The following OTUD7A variants were observed in gnomAD, a reference collection of about 807,000 sequenced individuals.
OTUD7A encodes OTU deubiquitinase 7A.
In OTUD7A, 12 loss-of-function variants were observed where a neutral mutation model predicts 65.7. That is an observed-to-expected ratio of 0.18 (90% CI 0.12 to 0.30). OTUD7A has a LOEUF of 0.30. Among genes scored for constraint, OTUD7A ranks in the 10% least tolerant of loss-of-function variants. The probability of loss-of-function intolerance (pLI) is 1.00; values close to 1 mark genes in which losing one functional copy is unlikely to be tolerated. For synonymous variants in OTUD7A, 641 were observed against 586.3 expected (o/e 1.09, Z -1.35); for missense variants, 1,148 against 1,304.8 (o/e 0.88, Z 1.85).
At chr15:31,499,370 C>T (rs998980362) in intron 10 of OTUD7A, among the ~76,000 whole-genome samples, 4 of 152,168 alleles carry the variant, frequency 2.6e-5, no homozygotes, top group African/African-American at 9.7e-5. Context: ...CGGTGGCATC[C>T]TGGGGCTCGA....
At chr15:31,554,863 A>C (rs1032711289) in intron 5 of OTUD7A, among the ~76,000 whole-genome samples, 3 of 152,134 alleles carry the variant, frequency 2.0e-5, no homozygotes, top group Non-Finnish European at 2.9e-5. Context: ...TAAAGAACGA[A>C]AGGTGTTTCC....
chr15:31,861,238 C>T (rs547511456), intron 1 of OTUD7A, among the ~76,000 whole-genome samples: 5 of 152,146 alleles, frequency 3.3e-5, no homozygotes, highest in Non-Finnish European at 7.4e-5. Context: ...GAGTGGGGAC[C>T]CAAGCCAGAA....
chr15:31,532,474 G>A (rs1161588378), intron 5 of OTUD7A, among the ~76,000 whole-genome samples: 4 of 151,790 alleles, frequency 2.6e-5, no homozygotes. Context: ...AAGAATCAGT[G>A]TAATGTAAAG....
At chr15:31,769,429 A>G (rs1214542806) in intron 1 of OTUD7A, among the ~76,000 whole-genome samples, 1 of 152,244 alleles carries the variant, frequency 6.6e-6, no homozygotes, top group Non-Finnish European at 1.5e-5. Flanking sequence ...TTAAACATAT[A>G]CTTACGCATG....
chr15:31,503,718 T>C lies in OTUD7A; in HGVS notation c.994A>G (p.Thr332Ala). The C allele has an allele frequency of 1.2e-6, 2 of 1,614,194 alleles. No homozygotes were observed. Among genetic ancestry groups the C allele is most frequent in the Non-Finnish European group, 1.7e-6 (2 of 1,180,026 alleles). Reference sequence around the variant, plus strand: ...TCTCCACCTGAGTCTCTTAACATTGTATCTGCCACAACAACGATGGGCCTT... The same window carrying C: ...TCTCCACCTGAGTCTCTTAACATTGCATCTGCCACAACAACGATGGGCCTT... ...LRRPIVVVAD[T>A]MLRDSGGEAF... is the part of the protein sequence containing the mutation. The change falls in exon 9 of 13, where the codon ACA (threonine) becomes GCA (alanine). Residue 332 changes from threonine to alanine, a missense_variant. Physicochemically the swap from Thr to Ala is moderately conservative, Grantham distance 58. This residue lies in a region of OTUD7A where 58 missense variants were observed against 131.4 expected (regional missense o/e 0.44). Coordinates refer to ENST00000307050, the MANE Select transcript of OTUD7A (RefSeq NM_001382637.1).
At chr15:31,772,224 C>A (rs1419183136) in intron 1 of OTUD7A, among the ~76,000 whole-genome samples, 4 of 147,722 alleles carry the variant, frequency 2.7e-5, no homozygotes, top group African/African-American at 1.0e-4. Flanking sequence ...TGCACTCCAG[C>A]CTGGGCGACA....
chr15:31,527,538 G>T (rs1217297636), intron 6 of OTUD7A, among the ~76,000 whole-genome samples: 2 of 152,234 alleles, frequency 1.3e-5, no homozygotes, highest in African/African-American at 2.4e-5. Flanking sequence ...AACAATAGTG[G>T]GTGAAAATCA....
chr15:31,804,960 T>G (rs925445283), intron 1 of OTUD7A, among the ~76,000 whole-genome samples: 4 of 152,182 alleles, frequency 2.6e-5, no homozygotes, highest in African/African-American at 9.7e-5. Flanking sequence ...ACATCATAAT[T>G]GTCCCAGGCA....
At chr15:31,867,119 G>C (rs1304351539) in intron 1 of OTUD7A, among the ~76,000 whole-genome samples, 1 of 152,134 alleles carries the variant, frequency 6.6e-6, no homozygotes, top group Non-Finnish European at 1.5e-5. Context: ...TAGCCCTGGA[G>C]CACAAGCTGG....
rs62002678 is a variant in OTUD7A at position 31,711,121 on chromosome 15, G to A, written c.-99-54044C>T. Among the ~76,000 whole-genome samples, 19 of 146,854 alleles carry A rather than the reference G, an allele frequency of 1.3e-4. No individual in the cohort carries two copies. In the East Asian group the frequency reaches 2.2e-3, roughly 17 times the overall value. On this transcript the variant is annotated intron_variant, in intron 1 of 12. Coordinates refer to ENST00000307050, the MANE Select transcript of OTUD7A (RefSeq NM_001382637.1). ...GGTGAATAGCAAATAGAGTTGAAGTGTTCAACACCTTTGTGCTCATTTAAT... is the reference window on the plus strand; with the variant it reads ...GGTGAATAGCAAATAGAGTTGAAGTATTCAACACCTTTGTGCTCATTTAAT...
chr15:31,768,302 G>A (rs779669816), intron 1 of OTUD7A: 14 of 660,658 alleles, frequency 2.1e-5, no homozygotes, highest in Non-Finnish European at 3.0e-5. Flanking sequence ...TGGCTCTGCC[G>A]CCAACTTGTA....
chr15:31,558,626 T>C (rs1157445992), intron 5 of OTUD7A: 2 of 321,154 alleles, frequency 6.2e-6, no homozygotes, highest in African/African-American at 4.1e-5. Context: ...CCCATGGTCT[T>C]TCCTATCTTT....
chr15:31,860,677 G>GTGTGTATATATATATATATATGTATA (rs560896384), intron 1 of OTUD7A, among the ~76,000 whole-genome samples: 8 of 73,284 alleles, frequency 1.1e-4, no homozygotes, highest in Non-Finnish European at 1.6e-4. Context: ...ATGTATGTGT[G>GTGTGTATATATATATATATATGTATA]TATATATATA....
At chr15:31,625,411 TAAAA>T (rs796492835) in intron 3 of OTUD7A, among the ~76,000 whole-genome samples, 1 of 139,354 alleles carries the variant, frequency 7.2e-6, no homozygotes. Context: ...ATTCCTGATT[TAAAA>T]AAAAAAAAAA....
At chr15:31,865,921 T>G (rs534271281) in intron 1 of OTUD7A, among the ~76,000 whole-genome samples, 1 of 152,242 alleles carries the variant, frequency 6.6e-6, no homozygotes, top group Admixed American at 6.5e-5. Context: ...CTTACTCATG[T>G]GTATTCATTC....
intron 8 of OTUD7A, among the ~76,000 whole-genome samples, chr15:31,507,599 G>A (rs556024247): frequency 3.7e-4 from 55 of 149,844 alleles, no homozygotes; most frequent in Admixed American, 2.2e-3. Flanking sequence ...CTAAACCATG[G>A]AACAGGACCC....
intron 1 of OTUD7A, among the ~76,000 whole-genome samples, chr15:31,837,768 G>T (rs973472747): frequency 6.6e-5 from 10 of 152,122 alleles, no homozygotes; most frequent in Non-Finnish European, 1.2e-4. Context: ...TGTAAATATG[G>T]ACAAGCTTAA....
At chr15:31,806,765 G>C (rs1256602756) in intron 1 of OTUD7A, among the ~76,000 whole-genome samples, 1 of 152,218 alleles carries the variant, frequency 6.6e-6, no homozygotes, top group Non-Finnish European at 1.5e-5. Context: ...AGTGACCACA[G>C]AGCATTTCAC....
rs1428982752 is a variant in OTUD7A at position 31,484,139 on chromosome 15, G to T, written c.1957C>A (p.Arg653=). The part of the protein sequence containing the change: ...IFAGLLLTSH[R]HQFHEEMIGY... ...ATCATCTCCTCGTGGAACTGGTGCC[G>T]GTGGCTGGTGAGCAGCAGGCCGGCG... Residue 653 remains arginine, a synonymous_variant, in exon 13 of 13, where the codon CGG becomes AGG. Transcript: ENST00000307050. This position sits in a 1 kb window ranked among gnomAD's most constrained non-coding sequence, Gnocchi z 4.5. 6.2e-7 allele frequency: 1 copy of T among 1,609,570 alleles called. No individual in the cohort carries two copies. The highest frequency in any genetic ancestry group is 1.7e-5 in the Admixed American group (1 of 59,960).
Sources: gnomAD v4.1 joint callset for allele counts (sites outside exome capture counted in the v4.1 genomes callset) on GRCh38, gnomAD v4.1.1 for gene constraint, gnomAD v4.1.1 regional missense constraint, Gnocchi (gnomAD v3.1) non-coding constraint, MANE v1.5 for transcripts, NCBI Gene and HGNC (gene_info 2026-07-23, HGNC 2026-07-21) for gene names.